The following OPRM1 variants were observed in gnomAD, a reference collection of about 807,000 sequenced individuals.
The protein encoded by OPRM1 is mu-type opioid receptor.
Under a neutral mutation model 31.8 loss-of-function variants are expected in OPRM1, and 27 were observed. The ratio of observed to expected loss-of-function variants is 0.85; its 90% CI spans 0.63 to 1.17. The LOEUF (loss-of-function observed/expected upper bound fraction) is 1.17, where lower values mean the gene tolerates loss of function less well. OPRM1 is among the 50% of genes most tolerant of loss of function. The pLI is 0.00. For missense variants in OPRM1, 536 were observed against 511.1 expected (o/e 1.05, Z -0.47); for synonymous variants, 196 against 189.9 (o/e 1.03, Z -0.26).
chr6:154,071,478 C>T (rs1474490605), intron 1 of OPRM1, among the ~76,000 whole-genome samples: 2 of 152,026 alleles, frequency 1.3e-5, no homozygotes, highest in African/African-American at 4.8e-5. Context: ...GAAGCCTGAT[C>T]CTCATTTGTT....
In OPRM1 at chr6:154,090,011, C is replaced by CCAGCAA. The variant is rs758014417; in HGVS notation, c.477_478insAGCAAC (p.Thr159_Leu160insSerAsn). On this transcript the variant is annotated inframe_insertion, in exon 2 of 4. Coordinates refer to ENST00000330432, the MANE Select transcript of OPRM1 (RefSeq NM_000914.5). ...TATAACATGTTCACCAGCATATTCA[C>CCAGCAA]CCTCTGCACCATGAGTGTTGATCGA... 24 of 1,614,038 alleles carry CCAGCAA rather than the reference C, an allele frequency of 1.5e-5. No homozygotes were observed. In the Admixed American group the frequency reaches 4.0e-4, roughly 27 times the overall value.
chr6:154,198,084 T>C (rs181754655), intron 3 of OPRM1, among the ~76,000 whole-genome samples: 1 of 152,222 alleles, frequency 6.6e-6, no homozygotes, highest in East Asian at 1.9e-4. Context: ...TCAATGAAAA[T>C]GTTTGTCTCA....
At chr6:154,039,239 C>G, upstream of OPRM1, 1 of 1,551,750 alleles carries the variant, frequency 6.4e-7, no homozygotes, top group Non-Finnish European at 8.7e-7. Flanking sequence ...CCTTTTCCCT[C>G]CTCCCTCCCT....
chr6:154,086,504 A>G (rs1340096837), intron 1 of OPRM1: 1 of 799,640 alleles, frequency 1.3e-6, no homozygotes, highest in African/African-American at 1.9e-5. Flanking sequence ...CACATTGTGG[A>G]ATGGCTAGCA....
chr6:154,074,759 TA>T (rs905094253), intron 1 of OPRM1, among the ~76,000 whole-genome samples: 1 of 130,994 alleles, frequency 7.6e-6, no homozygotes, highest in Non-Finnish European at 1.7e-5. Context: ...AGACTCCAAA[TA>T]AAAAAAGAAA....
intron 3 of OPRM1, among the ~76,000 whole-genome samples, chr6:154,106,228 T>C (rs1457199529): frequency 1.3e-5 from 2 of 152,244 alleles, no homozygotes; most frequent in Admixed American, 1.3e-4. Context: ...TTACTTTCTT[T>C]ACACACCTTG....
rs1797607115 is a variant in OPRM1, at chr6:154,126,756, C to G, written c.*8035C>G. Among the ~76,000 whole-genome samples, 1 of 152,092 alleles carries G rather than the reference C, an allele frequency of 6.6e-6. No homozygotes were observed. Among genetic ancestry groups the G allele is most frequent in the Non-Finnish European group, 1.5e-5 (1 of 68,024 alleles). On this transcript the variant is annotated 3_prime_UTR_variant, in exon 4 of 4. Coordinates refer to ENST00000330432, the MANE Select transcript of OPRM1 (RefSeq NM_000914.5). ...CCTTCAGTAATGCCTCAAAGGTTCT[C>G]CAAGCAGAGGTAAACATGTGGGTCC...
intron 3 of OPRM1, among the ~76,000 whole-genome samples, chr6:154,146,884 G>A (rs1007485858): frequency 3.3e-5 from 5 of 152,260 alleles, no homozygotes; most frequent in African/African-American, 1.2e-4. Context: ...CTCAGAAGGG[G>A]CATTGGGAAA....
At position 154,108,146 on chromosome 6, in the gene OPRM1, T is replaced by A. The variant is rs916228866; in HGVS notation, c.1165-10537T>A. The A allele has an allele frequency of 1.1e-5, 6 of 532,776 alleles. No homozygotes were observed. In the African/African-American group the frequency reaches 1.2e-4, roughly 11 times the overall value. The allele number at this position is 532,776 out of a possible 1,614,324, so 33.0% of individuals were successfully genotyped here. ...CGGCACCATCGCCTACGGGCCAAGCTGCATCATAAAGGAAATTTTTTTTTT... is the reference window on the plus strand; with the variant it reads ...CGGCACCATCGCCTACGGGCCAAGCAGCATCATAAAGGAAATTTTTTTTTT... On this transcript the variant is annotated intron_variant, in intron 3 of 3. Transcript: ENST00000330432.
chr6:154,242,261 G>A lies in OPRM1; in HGVS notation c.1165-4432G>A, dbSNP rs149541678. On this transcript the variant is annotated intron_variant, in intron 3 of 3. Coordinates refer to the OPRM1 transcript ENST00000337049. Reference sequence around the variant, plus strand: ...GTGCAGGACCTAATCGGAACCTTGGGGCCTTTCTAGCAAATTCAGATTGCT... The same window carrying A: ...GTGCAGGACCTAATCGGAACCTTGGAGCCTTTCTAGCAAATTCAGATTGCT... Among the ~76,000 whole-genome samples the A allele has an allele frequency of 5.5e-3, 835 of 152,148 alleles. 2 individuals carry two copies. Among genetic ancestry groups the A allele is most frequent in the Middle Eastern group, 0.01 (3 of 294 alleles).
intron 1 of OPRM1, among the ~76,000 whole-genome samples, chr6:154,027,095 C>A (rs1177057171): frequency 6.6e-6 from 1 of 152,136 alleles, no homozygotes; most frequent in Non-Finnish European, 1.5e-5. Context: ...TTGTACCTGT[C>A]CATCTTGGGA....
At chr6:154,176,904 A>G (rs1211619781) in intron 3 of OPRM1, among the ~76,000 whole-genome samples, 2 of 152,258 alleles carry the variant, frequency 1.3e-5, no homozygotes, top group African/African-American at 2.4e-5. Context: ...ACAAGGCCAC[A>G]GTAACCAAAA....
exon 1 of OPRM1, chr6:154,010,890 T>G (rs1194353388): frequency 7.6e-7 from 1 of 1,317,402 alleles, no homozygotes; most frequent in Non-Finnish European, 9.8e-7. Context: ...TGTAATTCTA[T>G]GAGAAGGACC....
chr6:154,218,262 T>A (rs1778573202), intron 3 of OPRM1, among the ~76,000 whole-genome samples: 1 of 152,216 alleles, frequency 6.6e-6, no homozygotes, highest in African/African-American at 2.4e-5. Flanking sequence ...GAAATTGATG[T>A]ACAAAACAAG....
At chr6:154,132,937 C>A (rs999596687), downstream of OPRM1, among the ~76,000 whole-genome samples, 1 of 151,952 alleles carries the variant, frequency 6.6e-6, no homozygotes, top group African/African-American at 2.4e-5. Context: ...CTGGCTAACA[C>A]GGTGAAACCC....
intron 3 of OPRM1, chr6:154,110,577 CTTT>C: frequency 1.7e-6 from 1 of 576,956 alleles, no homozygotes; most frequent in Non-Finnish European, 3.1e-6. Context: ...TTTCCGAGCT[CTTT>C]TGACTGCTCA....
chr6:154,205,247 A>G (rs1260060656), intron 3 of OPRM1, among the ~76,000 whole-genome samples: 1 of 152,172 alleles, frequency 6.6e-6, no homozygotes, highest in African/African-American at 2.4e-5. Flanking sequence ...AAGGGAGAAG[A>G]CACCATCTAG....
chr6:154,026,706 C>T (rs1349512212), intron 1 of OPRM1, among the ~76,000 whole-genome samples: 1 of 152,234 alleles, frequency 6.6e-6, no homozygotes, highest in East Asian at 1.9e-4. Flanking sequence ...CTAATTCTTT[C>T]TTCTGCTTCA....
In OPRM1 at chr6:154,168,019, C is replaced by T. The variant is rs368158419; in HGVS notation, c.1164+76547C>T. ...AGGATTTTCTCAACTCCTTTTTAGTCGAAGGTCGTCGGTCCCCAAGAGGAG... is the reference window on the plus strand; with the variant it reads ...AGGATTTTCTCAACTCCTTTTTAGTTGAAGGTCGTCGGTCCCCAAGAGGAG... On this transcript the variant is annotated intron_variant, in intron 3 of 3. Coordinates refer to the OPRM1 transcript ENST00000337049. This position sits in a 1 kb window ranked among gnomAD's most constrained non-coding sequence, Gnocchi z 4.1. 5.6e-6 allele frequency: 9 copies of T among 1,611,280 alleles called. No individual in the cohort carries two copies. Among genetic ancestry groups the T allele is most frequent in the Middle Eastern group, 1.6e-4 (1 of 6,076 alleles).
Sources: allele counts gnomAD v4.1 joint callset (sites outside exome capture counted in the v4.1 genomes callset), GRCh38; gene constraint gnomAD v4.1.1; non-coding constraint Gnocchi (gnomAD v3.1); transcripts MANE v1.5; gene names NCBI Gene and HGNC (gene_info 2026-07-23, HGNC 2026-07-21).